The following DACH2 variants were observed in gnomAD, a reference collection of about 807,000 sequenced individuals.
DACH2 encodes the protein dachshund homolog 2.
DACH2 carries 17 observed loss-of-function variants against 35.8 expected under a neutral mutation model. That is an observed-to-expected ratio of 0.48 (90% CI 0.33 to 0.71). The LOEUF is 0.71. Ranked by LOEUF, DACH2 falls within the 30% of genes least tolerant of loss-of-function variation. The probability of loss-of-function intolerance (pLI) is 0.02; values close to 1 mark genes in which losing one functional copy is unlikely to be tolerated. For missense variants in DACH2, 469 were observed against 472.7 expected, an observed-to-expected ratio of 0.99 and a Z score of 0.07; for synonymous variants, 195 against 177.3, an observed-to-expected ratio of 1.10 and a Z score of -0.79.
intron 5 of DACH2, among the ~76,000 whole-genome samples, chrX:86,714,300 T>A (rs939253404): frequency 8.9e-6 from 1 of 112,082 alleles, no homozygotes; most frequent in African/African-American, 3.2e-5. Context: ...AAATTTTGCA[T>A]CTTATAAATA....
intron 1 of DACH2, among the ~76,000 whole-genome samples, chrX:86,233,888 T>G (rs1419705939): frequency 8.9e-6 from 1 of 111,783 alleles, no homozygotes; most frequent in Admixed American, 9.5e-5. Context: ...TGGGGGACAC[T>G]GCCCCTGTGA....
chrX:86,704,242 T>C (rs966399298), intron 5 of DACH2, among the ~76,000 whole-genome samples: 3 of 111,350 alleles, frequency 2.7e-5, no homozygotes, highest in African/African-American at 9.8e-5. Context: ...TGGATAACCA[T>C]GTGTAGAAGA....
At chrX:86,665,586 T>C (rs1435853037) in intron 4 of DACH2, among the ~76,000 whole-genome samples, 1 of 111,907 alleles carries the variant, frequency 8.9e-6, no homozygotes, top group Non-Finnish European at 1.9e-5. Context: ...GAAAATCTTC[T>C]ATTCCATATT....
chrX:86,542,442 T>G (rs1295182255), intron 3 of DACH2, among the ~76,000 whole-genome samples: 1 of 111,291 alleles, frequency 9.0e-6, no homozygotes, highest in Non-Finnish European at 1.9e-5. Flanking sequence ...TGTTATAATG[T>G]CAGGGCAACC....
chrX:86,477,339 C>CATATATAT lies in DACH2; in HGVS notation c.528-36916_528-36909dup, dbSNP rs56255658. 9.6e-3 allele frequency among the ~76,000 whole-genome samples: 729 copies of CATATATAT among 75,801 alleles called. 4 individuals carry two copies. Among genetic ancestry groups the CATATATAT allele is most frequent in the African/African-American group, 0.012 (253 of 21,113 alleles). The allele number at this position is 75,801 out of a possible 115,157, so 65.8% of individuals were successfully genotyped here. On this transcript the variant is annotated intron_variant, in intron 2 of 11. Coordinates refer to ENST00000373125, the MANE Select transcript of DACH2 (RefSeq NM_053281.3). The stretch of plus-strand genomic sequence containing the variant: ...TATCTGAGTTCTTCAGTGTTGAGTG[C>CATATATAT]ATATATATATATATATATATATATA...
chrX:86,597,836 T>C, intron 3 of DACH2, among the ~76,000 whole-genome samples: 1 of 111,970 alleles, frequency 8.9e-6, no homozygotes, highest in Non-Finnish European at 1.9e-5. Flanking sequence ...TCCAGGGCTG[T>C]AATTTCAGGC....
chrX:86,435,543 A>C (rs2037053856), intron 2 of DACH2, among the ~76,000 whole-genome samples: 1 of 112,046 alleles, frequency 8.9e-6, no homozygotes, highest in South Asian at 3.7e-4. Context: ...TGGGTTTTCA[A>C]AATCATACAA....
At chrX:86,819,520 A>G (rs1376938452) in intron 11 of DACH2, among the ~76,000 whole-genome samples, 1 of 112,256 alleles carries the variant, frequency 8.9e-6, no homozygotes, top group Non-Finnish European at 1.9e-5. Flanking sequence ...TAGCACAACT[A>G]CAAGTGTGCT....
chrX:86,413,281 T>C (rs1455223455), intron 2 of DACH2, among the ~76,000 whole-genome samples: 1 of 112,133 alleles, frequency 8.9e-6, no homozygotes, highest in Non-Finnish European at 1.9e-5. Flanking sequence ...GAAGAGTTGA[T>C]ATAACCCTGA....
At chrX:86,279,217 G>T (rs772203463) in intron 1 of DACH2, among the ~76,000 whole-genome samples, 1 of 112,098 alleles carries the variant, frequency 8.9e-6, no homozygotes, top group East Asian at 2.8e-4. Flanking sequence ...GCCTCCTCAA[G>T]TAGGTCCCTG....
chrX:86,173,047 T>C (rs1210886549), intron 1 of DACH2, among the ~76,000 whole-genome samples: 1 of 112,346 alleles, frequency 8.9e-6, no homozygotes, highest in Admixed American at 9.4e-5. Flanking sequence ...TAGGAAAATA[T>C]GAATTGTCCC....
intron 7 of DACH2, among the ~76,000 whole-genome samples, chrX:86,797,343 C>G (rs889257052): frequency 9.1e-6 from 1 of 110,386 alleles, no homozygotes; most frequent in Non-Finnish European, 1.9e-5. Flanking sequence ...TTGCAGGTTA[C>G]TAAAAGCATC....
chrX:86,315,269 T>A (rs1464515221), intron 1 of DACH2, among the ~76,000 whole-genome samples: 1 of 112,030 alleles, frequency 8.9e-6, no homozygotes, highest in Non-Finnish European at 1.9e-5. Context: ...ATAGCACGGT[T>A]TACTGAATAT....
At chrX:86,276,362 C>A (rs2033916538) in intron 1 of DACH2, among the ~76,000 whole-genome samples, 1 of 112,010 alleles carries the variant, frequency 8.9e-6, no homozygotes, top group African/African-American at 3.2e-5. Flanking sequence ...AATACTTTGC[C>A]CATTTTTGAT....
At chrX:86,241,091 T>C (rs1053746757) in intron 1 of DACH2, among the ~76,000 whole-genome samples, 2 of 112,111 alleles carry the variant, frequency 1.8e-5, no homozygotes, top group African/African-American at 3.2e-5. Context: ...GCTATAAAGA[T>C]GCCTGAAAAT....
intron 1 of DACH2, among the ~76,000 whole-genome samples, chrX:86,221,259 A>G (rs1194195725): frequency 9.0e-6 from 1 of 111,692 alleles, no homozygotes; most frequent in Non-Finnish European, 1.9e-5. Flanking sequence ...TAAGGATCCA[A>G]TTTCATTCTT....
intron 1 of DACH2, among the ~76,000 whole-genome samples, chrX:86,205,307 A>G (rs2032256726): frequency 9.1e-6 from 1 of 110,484 alleles, no homozygotes; most frequent in Admixed American, 9.6e-5. Context: ...TGAAGATTTT[A>G]AAAGATTTCT....
chrX:86,826,737 T>C (rs1434476964), intron 11 of DACH2, among the ~76,000 whole-genome samples: 2 of 112,216 alleles, frequency 1.8e-5, no homozygotes, highest in Non-Finnish European at 3.8e-5. Context: ...CAATTAATTC[T>C]ACATTTAATT....
At chrX:86,466,921 C>A (rs181172588) in intron 2 of DACH2, among the ~76,000 whole-genome samples, 7 of 111,241 alleles carry the variant, frequency 6.3e-5, no homozygotes, top group African/African-American at 2.3e-4. Flanking sequence ...AGCACAGGGA[C>A]CCTGGACCTG....
Sources: allele counts gnomAD v4.1 joint callset (sites outside exome capture counted in the v4.1 genomes callset), GRCh38; gene constraint gnomAD v4.1.1; transcripts MANE v1.5; gene names NCBI Gene and HGNC (gene_info 2026-07-23, HGNC 2026-07-21).